The following KCND3 variants were observed in gnomAD, a reference collection of about 807,000 sequenced individuals.
The protein encoded by KCND3 is A-type voltage-gated potassium channel KCND3.
A neutral mutation model predicts 51.1 loss-of-function variants in KCND3; 9 were observed. The ratio of observed to expected loss-of-function variants is 0.18; its 90% CI spans 0.11 to 0.31. The LOEUF is 0.31. Among genes scored for constraint, KCND3 ranks in the 10% least tolerant of loss-of-function variants. The probability of loss-of-function intolerance (pLI) is 1.00; values close to 1 mark genes in which losing one functional copy is unlikely to be tolerated. For synonymous variants in KCND3, 349 were observed against 368.0 expected (o/e 0.95, Z 0.59); for missense variants, 526 against 903.8 (o/e 0.58, Z 5.36).
intron 2 of KCND3, among the ~76,000 whole-genome samples, chr1:111,947,834 T>C (rs1378542006): frequency 2.0e-5 from 3 of 152,242 alleles, no homozygotes; most frequent in African/African-American, 7.2e-5. Flanking sequence ...GCTGGGATGA[T>C]AATTGTTGTT....
chr1:111,913,804 G>A (rs1671072968), intron 2 of KCND3, among the ~76,000 whole-genome samples: 1 of 152,182 alleles, frequency 6.6e-6, no homozygotes, highest in African/African-American at 2.4e-5. Flanking sequence ...GCTGAAGTGA[G>A]AGGACTATTT....
At chr1:111,949,656 C>G (rs1383528703) in intron 2 of KCND3, among the ~76,000 whole-genome samples, 1 of 152,012 alleles carries the variant, frequency 6.6e-6, no homozygotes, top group Non-Finnish European at 1.5e-5. Flanking sequence ...TCCCCCTTCC[C>G]CCTCCCACCC....
intron 3 of KCND3, among the ~76,000 whole-genome samples, chr1:111,783,890 C>T (rs1485354872): frequency 6.6e-6 from 1 of 152,096 alleles, no homozygotes; most frequent in Non-Finnish European, 1.5e-5. Context: ...TGGAAAAAGC[C>T]AATACCCAAA....
At chr1:111,838,472 A>C (rs1667173597) in intron 2 of KCND3, among the ~76,000 whole-genome samples, 1 of 152,132 alleles carries the variant, frequency 6.6e-6, no homozygotes, top group East Asian at 1.9e-4. Flanking sequence ...CCTGGCCGAC[A>C]TAGTGAAACC....
chr1:111,837,067 A>C (rs986385427), intron 2 of KCND3, among the ~76,000 whole-genome samples: 1 of 152,218 alleles, frequency 6.6e-6, no homozygotes, highest in African/African-American at 2.4e-5. Flanking sequence ...CATATGTATT[A>C]AGTCATTTTA....
At chr1:111,782,239 C>T (rs1486740949) in intron 3 of KCND3, among the ~76,000 whole-genome samples, 2 of 152,190 alleles carry the variant, frequency 1.3e-5, no homozygotes, top group East Asian at 1.9e-4. Flanking sequence ...AACAGAAGCA[C>T]AAAGGATGTA....
intron 2 of KCND3, among the ~76,000 whole-genome samples, chr1:111,897,004 C>T (rs1670144953): frequency 6.6e-6 from 1 of 152,240 alleles, no homozygotes; most frequent in African/African-American, 2.4e-5. Flanking sequence ...CTGCAAACTG[C>T]AAACTCCTTA....
At chr1:111,852,106 C>T (rs35399568) in intron 2 of KCND3, among the ~76,000 whole-genome samples, 3,650 of 152,316 alleles carry the variant, frequency 0.024, 78 homozygotes, top group East Asian at 0.097. Context: ...TTTCTTTGTC[C>T]TCTTCTCATC....
intron 2 of KCND3, among the ~76,000 whole-genome samples, chr1:111,813,497 T>C (rs551814441): frequency 1.3e-5 from 2 of 152,140 alleles, no homozygotes; most frequent in African/African-American, 4.8e-5. Flanking sequence ...ATGTGGAAGA[T>C]GATAATATTC....
intron 2 of KCND3, among the ~76,000 whole-genome samples, chr1:111,961,625 G>A (rs1673663623): frequency 6.6e-6 from 1 of 152,158 alleles, no homozygotes; most frequent in Non-Finnish European, 1.5e-5. Flanking sequence ...CCGAAGGTGT[G>A]CATCGTGGGA....
At chr1:111,833,257 T>C (rs1222888615) in intron 2 of KCND3, among the ~76,000 whole-genome samples, 2 of 152,252 alleles carry the variant, frequency 1.3e-5, no homozygotes, top group African/African-American at 2.4e-5. Context: ...GTGCCCAGTT[T>C]ATACTTGGAT....
chr1:111,964,142 G>A (rs976253642), intron 2 of KCND3, among the ~76,000 whole-genome samples: 1 of 152,200 alleles, frequency 6.6e-6, no homozygotes, highest in African/African-American at 2.4e-5. Context: ...TCCCAGCCAG[G>A]GCCAGGCAGG....
At chr1:111,863,958 A>G (rs2101696084) in intron 2 of KCND3, among the ~76,000 whole-genome samples, 1 of 152,230 alleles carries the variant, frequency 6.6e-6, no homozygotes, top group South Asian at 2.1e-4. Context: ...ATGATGATTG[A>G]AATGAGGAGT....
chr1:111,879,644 G>C (rs1669211601), intron 2 of KCND3, among the ~76,000 whole-genome samples: 1 of 152,200 alleles, frequency 6.6e-6, no homozygotes, highest in Non-Finnish European at 1.5e-5. Flanking sequence ...GTCTTTGCCA[G>C]TTTTCTGCCT....
At chr1:111,898,481 A>G (rs1670229348) in intron 2 of KCND3, among the ~76,000 whole-genome samples, 3 of 152,156 alleles carry the variant, frequency 2.0e-5, no homozygotes, top group Non-Finnish European at 4.4e-5. Flanking sequence ...GCACGTGGCC[A>G]TCTCCCTGGG....
intron 5 of KCND3, among the ~76,000 whole-genome samples, chr1:111,779,291 TC>T (rs1211052253): frequency 6.6e-6 from 1 of 151,922 alleles, no homozygotes; most frequent in Non-Finnish European, 1.5e-5. Context: ...CAAGATCCTG[TC>T]CCTGCAGCCC....
At chr1:111,954,631 T>C (rs576706994) in intron 2 of KCND3, among the ~76,000 whole-genome samples, 2 of 152,356 alleles carry the variant, frequency 1.3e-5, no homozygotes, top group African/African-American at 4.8e-5. Context: ...GGCATCTGCC[T>C]CTAGGGCCCA....
intron 2 of KCND3, among the ~76,000 whole-genome samples, chr1:111,879,185 C>T (rs1669191754): frequency 6.6e-6 from 1 of 152,226 alleles, no homozygotes; most frequent in African/African-American, 2.4e-5. Context: ...CCTCCATCAT[C>T]ATGCGAGCCA....
chr1:111,920,283 C>G (rs1253148166), intron 2 of KCND3, among the ~76,000 whole-genome samples: 1 of 152,208 alleles, frequency 6.6e-6, no homozygotes. Flanking sequence ...GAGTCCTGAC[C>G]TGGGGGAGGA....
Sources: gnomAD v4.1 joint callset for allele counts (sites outside exome capture counted in the v4.1 genomes callset) on GRCh38, gnomAD v4.1.1 for gene constraint, MANE v1.5 for transcripts, NCBI Gene and HGNC (gene_info 2026-07-23, HGNC 2026-07-21) for gene names.